Variants in MYO16 observed in about 807,000 individuals in gnomAD.
MYO16 encodes the protein unconventional myosin-XVI.
MYO16 carries 94 observed loss-of-function variants against 205.3 expected under a neutral mutation model. That is an observed-to-expected ratio of 0.46 (90% confidence interval 0.39 to 0.54). MYO16 has a LOEUF of 0.54. MYO16 is among the 20% of genes least tolerant of loss of function. MYO16 has a pLI of 0.00. For synonymous variants in MYO16, 988 were observed against 954.0 expected (o/e 1.04, Z -0.66); for missense variants, 2,315 against 2,387.5 (o/e 0.97, Z 0.63).
chr13:108,550,564 G>A, the MYO16 span, among the ~76,000 whole-genome samples: 1 of 152,174 alleles, frequency 6.6e-6, no homozygotes, highest in African/African-American at 2.4e-5. Flanking sequence ...ATTCCTTGGT[G>A]ATTTTTAACT....
upstream of MYO16, among the ~76,000 whole-genome samples, chr13:108,625,085 A>G (rs1333999333): frequency 1.3e-5 from 2 of 152,116 alleles, no homozygotes; most frequent in East Asian, 1.9e-4. Flanking sequence ...GGCAGTTCCT[A>G]TTAACCCCTA....
At chr13:109,146,025 A>C (rs1877313223) in intron 32 of MYO16, among the ~76,000 whole-genome samples, 1 of 152,254 alleles carries the variant, frequency 6.6e-6, no homozygotes, top group Admixed American at 6.5e-5. Flanking sequence ...ACTAAAAATG[A>C]TGTCAACAAA....
chr13:108,882,808 G>A lies in MYO16; in HGVS notation c.1426-251G>A, dbSNP rs545934293. Among the ~76,000 whole-genome samples the A allele has an allele frequency of 3.5e-4, 54 of 152,280 alleles. 4 individuals are homozygous for A. The highest frequency in any genetic ancestry group is 1.1e-3 in the African/African-American group (47 of 41,548). On this transcript the variant is annotated intron_variant, in intron 12 of 34. Coordinates refer to ENST00000457511, the MANE Select transcript of MYO16 (RefSeq NM_001198950.3). Reference sequence around the variant, plus strand: ...TATTTTGTGAGTTGCTCTTCTTAAAGACAGCAGAATAATTAAAGCCTGTGG... The same window carrying A: ...TATTTTGTGAGTTGCTCTTCTTAAAAACAGCAGAATAATTAAAGCCTGTGG...
At chr13:108,793,079 C>T (rs1251544835) in intron 5 of MYO16, among the ~76,000 whole-genome samples, 2 of 151,932 alleles carry the variant, frequency 1.3e-5, no homozygotes, top group Non-Finnish European at 1.5e-5. Context: ...GTCAGGATAT[C>T]GAGACCATCC....
At chr13:109,024,308 T>C (rs2139536751) in intron 23 of MYO16, among the ~76,000 whole-genome samples, 1 of 152,006 alleles carries the variant, frequency 6.6e-6, no homozygotes, top group South Asian at 2.1e-4. Flanking sequence ...AAATTACTTT[T>C]CCTAAGGTTT....
At position 109,127,535 on chromosome 13, in the gene MYO16, G is replaced by A. The variant is rs1876322348; in HGVS notation, c.4036G>A (p.Glu1346Lys). 3 of 1,610,826 alleles carry A rather than the reference G, an allele frequency of 1.9e-6. No individual in the cohort carries two copies. The highest frequency in any genetic ancestry group is 1.1e-5 in the South Asian group (1 of 91,048). The change falls in exon 31 of 35, where the codon GAA becomes AAA. Residue 1346 changes from glutamate (E) to lysine (K), a missense_variant. Glu to Lys is a moderately conservative substitution (Grantham distance 56). Transcript: ENST00000457511. This position sits in a 1 kb window ranked among gnomAD's most constrained non-coding sequence, Gnocchi z 4.2. ...GAGCGCCTGCCTCTCCGCGGCCAGGGAAGCGGCCAACGAAGGTCAGCCCTG... is the reference window on the plus strand; with the variant it reads ...GAGCGCCTGCCTCTCCGCGGCCAGGAAAGCGGCCAACGAAGGTCAGCCCTG... ...AVSACLSAAR[E>K]AANEALARPR...
At chr13:108,892,508 T>C (rs1009733053) in intron 14 of MYO16, among the ~76,000 whole-genome samples, 5 of 152,218 alleles carry the variant, frequency 3.3e-5, no homozygotes, top group African/African-American at 1.2e-4. Flanking sequence ...CCCAAAGTGC[T>C]GGGATTACGG....
intron 22 of MYO16, among the ~76,000 whole-genome samples, chr13:109,011,811 C>T (rs2139488716): frequency 6.6e-6 from 1 of 152,072 alleles, no homozygotes; most frequent in East Asian, 1.9e-4. Flanking sequence ...CGTGCCTGGC[C>T]TGGATTTTCT....
At chr13:108,589,801 T>C in the MYO16 span, among the ~76,000 whole-genome samples, 4 of 152,176 alleles carry the variant, frequency 2.6e-5, no homozygotes, top group African/African-American at 9.7e-5. Flanking sequence ...GGAAAATTGG[T>C]GGCAATCAGC....
At chr13:109,157,252 A>C (rs1478252995) in intron 32 of MYO16, among the ~76,000 whole-genome samples, 1 of 94,996 alleles carries the variant, frequency 1.1e-5, no homozygotes, top group African/African-American at 5.2e-5. Context: ...CAAAAAAAAA[A>C]AAAAAAAAAA....
chr13:109,138,855 G>C (rs1340507073), intron 31 of MYO16, among the ~76,000 whole-genome samples: 1 of 152,038 alleles, frequency 6.6e-6, no homozygotes, highest in African/African-American at 2.4e-5. Context: ...GTCTCACTCT[G>C]TCGCCAGGCT....
intron 1 of MYO16, among the ~76,000 whole-genome samples, chr13:108,637,328 C>T (rs1180869963): frequency 2.0e-5 from 3 of 152,068 alleles, no homozygotes; most frequent in Non-Finnish European, 4.4e-5. Context: ...ACTTGGGTAC[C>T]CTTCCTTTTA....
intron 11 of MYO16, among the ~76,000 whole-genome samples, chr13:108,863,181 A>G (rs1205942161): frequency 5.3e-5 from 8 of 152,076 alleles, no homozygotes; most frequent in Non-Finnish European, 8.8e-5. Flanking sequence ...TTTTTGAAAA[A>G]GTCATACCTT....
chr13:108,591,798 G>C (rs977701320), upstream of MYO16, among the ~76,000 whole-genome samples: 1 of 151,958 alleles, frequency 6.6e-6, no homozygotes, highest in African/African-American at 2.4e-5. Flanking sequence ...TTTGGCTCTT[G>C]ATTCTTTTTC....
intron 19 of MYO16, among the ~76,000 whole-genome samples, chr13:108,962,887 G>A (rs892161077): frequency 6.6e-6 from 1 of 152,244 alleles, no homozygotes; most frequent in Non-Finnish European, 1.5e-5. Flanking sequence ...TAAACTGATA[G>A]GCATTGTGCC....
intron 16 of MYO16, among the ~76,000 whole-genome samples, chr13:108,923,679 C>T (rs918395663): frequency 1.3e-5 from 2 of 152,220 alleles, no homozygotes; most frequent in South Asian, 2.1e-4. Context: ...GCCTGCAGAC[C>T]TCTCTTCCCC....
At chr13:109,031,095 G>C (rs9559464) in intron 23 of MYO16, among the ~76,000 whole-genome samples, 25,208 of 152,020 alleles carry the variant, frequency 0.17, 2,223 homozygotes, top group East Asian at 0.24. Context: ...ATTTTGTTTT[G>C]TTTTGATTTG....
intron 12 of MYO16, among the ~76,000 whole-genome samples, chr13:108,866,980 T>C (rs1878753067): frequency 6.6e-6 from 1 of 151,704 alleles, no homozygotes; most frequent in Non-Finnish European, 1.5e-5. Flanking sequence ...AAATCAAATA[T>C]GTATTTTCAC....
At chr13:108,591,205 C>T (rs1235505801), upstream of MYO16, among the ~76,000 whole-genome samples, 1 of 152,162 alleles carries the variant, frequency 6.6e-6, no homozygotes, top group Non-Finnish European at 1.5e-5. Flanking sequence ...AGGAGTCTGT[C>T]CTGCAGTCTG....
Sources: gnomAD v4.1 joint callset for allele counts (sites outside exome capture counted in the v4.1 genomes callset) on GRCh38, gnomAD v4.1.1 for gene constraint, Gnocchi (gnomAD v3.1) non-coding constraint, MANE v1.5 for transcripts, NCBI Gene and HGNC (gene_info 2026-07-23, HGNC 2026-07-21) for gene names.